DNER: variants seen among roughly 807,000 people sequenced by gnomAD.
DNER encodes delta/notch like EGF repeat containing.
In DNER, 33 loss-of-function variants were observed where a neutral mutation model predicts 78.2. The observed-to-expected ratio is 0.42, with a 90% CI of 0.32 to 0.56. The LOEUF (loss-of-function observed/expected upper bound fraction) is 0.56. DNER is among the 20% of genes least tolerant of loss of function. The pLI is 0.11. For synonymous variants in DNER, 417 were observed against 384.8 expected (o/e 1.08, Z -0.98); for missense variants, 918 against 975.3 (o/e 0.94, Z 0.78).
At chr2:229,681,558 C>A (rs571304388) in intron 1 of DNER, among the ~76,000 whole-genome samples, 1 of 152,042 alleles carries the variant, frequency 6.6e-6, no homozygotes, top group African/African-American at 2.4e-5. Context: ...CCCTTGTCAC[C>A]CACACCACCA....
intron 1 of DNER, among the ~76,000 whole-genome samples, chr2:229,700,580 A>G (rs758905689): frequency 1.3e-5 from 2 of 152,112 alleles, no homozygotes; most frequent in Non-Finnish European, 2.9e-5. Context: ...ACACAATGGC[A>G]TACTAGTCAA....
intron 10 of DNER, among the ~76,000 whole-genome samples, chr2:229,392,187 A>G (rs1693030298): frequency 6.6e-6 from 1 of 151,474 alleles, no homozygotes. Context: ...TTTAAAAATT[A>G]TTTCTAACTT....
intron 5 of DNER, among the ~76,000 whole-genome samples, chr2:229,534,432 C>T (rs1696367881): frequency 6.6e-6 from 1 of 152,222 alleles, no homozygotes; most frequent in Non-Finnish European, 1.5e-5. Context: ...TGTAATGAAA[C>T]AGACTGAAAG....
intron 5 of DNER, 88 bp downstream of exon 5, chr2:229,546,859 G>C: frequency 6.5e-7 from 1 of 1,538,808 alleles, no homozygotes; most frequent in Non-Finnish European, 8.8e-7. Flanking sequence ...AGGATGAAAG[G>C]GGTAAGAACA....
intron 1 of DNER, among the ~76,000 whole-genome samples, chr2:229,646,621 G>A (rs1268769606): frequency 6.6e-6 from 1 of 152,140 alleles, no homozygotes; most frequent in Non-Finnish European, 1.5e-5. Context: ...CTCTCCACAG[G>A]AATAAAAATC....
intron 1 of DNER, among the ~76,000 whole-genome samples, chr2:229,616,065 A>AT (rs528220449): frequency 7.9e-4 from 121 of 152,380 alleles, no homozygotes; most frequent in Middle Eastern, 3.4e-3. Context: ...ATACAAGTAT[A>AT]TTTTTATTAA....
chr2:229,705,324 G>A (rs754887778), intron 1 of DNER, among the ~76,000 whole-genome samples: 5 of 152,152 alleles, frequency 3.3e-5, no homozygotes, highest in African/African-American at 4.8e-5. Context: ...TTGCTTTCAG[G>A]AACTGTGAGC....
At chr2:229,691,282 T>A (rs749241294) in intron 1 of DNER, among the ~76,000 whole-genome samples, 6 of 152,168 alleles carry the variant, frequency 3.9e-5, no homozygotes, top group Admixed American at 1.3e-4. Context: ...AGTTTGATGA[T>A]CTTTGTATTT....
chr2:229,540,667 C>T (rs536268207), intron 5 of DNER, among the ~76,000 whole-genome samples: 8 of 152,250 alleles, frequency 5.3e-5, no homozygotes, highest in Non-Finnish European at 1.0e-4. Flanking sequence ...GTAGGACTTC[C>T]CAGAGCTTGA....
rs149123458 is a variant in DNER at position 229,588,437 on chromosome 2, C to T, written c.637G>A (p.Gly213Ser). 9 of 1,611,970 alleles carry T rather than the reference C, an allele frequency of 5.6e-6. No individual in the cohort carries two copies. In the African/African-American group the frequency reaches 1.1e-4, roughly 19 times the overall value. The change falls in exon 3 of 13, where the codon GGC becomes AGC. Residue 213 changes from glycine (G) to serine (S), a missense_variant. Gly to Ser is a moderately conservative substitution (Grantham distance 56, BLOSUM62 0). Coordinates refer to ENST00000341772, the MANE Select transcript of DNER (RefSeq NM_139072.4). Reference sequence around the variant, plus strand: ...GGCACTTCAAAGGATACCAGGCGGCCACCCGCAGAGCTGTTAGAACTGGCA... The same window carrying T: ...GGCACTTCAAAGGATACCAGGCGGCTACCCGCAGAGCTGTTAGAACTGGCA... ...GNASSNSSAGGRLVSFEVPQN... is the reference protein window; with the variant it reads ...GNASSNSSAGSRLVSFEVPQN...
In DNER at chr2:229,529,262, G is replaced by C. The variant is rs117593309; in HGVS notation, c.994-16326C>G. ...TCCTAACAATAGAGGAGCGAGCTTC[G>C]GCTGAAAAATCAATGAAAATAATTC... On this transcript the variant is annotated intron_variant, in intron 5 of 12. Transcript: ENST00000341772. Among the ~76,000 whole-genome samples, 36 of 151,882 alleles carry C rather than the reference G, an allele frequency of 2.4e-4. No individual in the cohort carries two copies. In the East Asian group the frequency reaches 6.4e-3, roughly 27 times the overall value.
At chr2:229,520,584 T>C (rs934129840) in intron 5 of DNER, among the ~76,000 whole-genome samples, 2 of 152,256 alleles carry the variant, frequency 1.3e-5, no homozygotes, top group East Asian at 1.9e-4. Context: ...TCTATGTTTA[T>C]ATATGTTTGA....
chr2:229,372,928 G>A (rs757852006), intron 11 of DNER, among the ~76,000 whole-genome samples: 2 of 152,108 alleles, frequency 1.3e-5, no homozygotes, highest in South Asian at 4.1e-4. Context: ...GGCTTTTATC[G>A]TTGGATGGAT....
chr2:229,451,754 T>A (rs1035169572), intron 7 of DNER, among the ~76,000 whole-genome samples: 2 of 152,180 alleles, frequency 1.3e-5, no homozygotes, highest in Non-Finnish European at 2.9e-5. Flanking sequence ...CCAATTAAGA[T>A]GTTATGATGT....
chr2:229,454,838 T>C (rs1296125015), intron 7 of DNER, among the ~76,000 whole-genome samples: 1 of 152,194 alleles, frequency 6.6e-6, no homozygotes, highest in African/African-American at 2.4e-5. Context: ...CAGTATATAC[T>C]GAGGAGAGAA....
chr2:229,542,842 C>G (rs1282379622), intron 5 of DNER, among the ~76,000 whole-genome samples: 1 of 151,744 alleles, frequency 6.6e-6, no homozygotes, highest in Non-Finnish European at 1.5e-5. Flanking sequence ...CAAGTCCCCC[C>G]AGACATTTCT....
chr2:229,681,251 A>C (rs370844589), intron 1 of DNER, among the ~76,000 whole-genome samples: 1 of 152,180 alleles, frequency 6.6e-6, no homozygotes, highest in Non-Finnish European at 1.5e-5. Flanking sequence ...ATATAAGAAG[A>C]AGCTGAGCTA....
chr2:229,395,174 T>G (rs1426056329), intron 10 of DNER, among the ~76,000 whole-genome samples: 1 of 152,208 alleles, frequency 6.6e-6, no homozygotes, highest in Non-Finnish European at 1.5e-5. Flanking sequence ...ATGAGAGGAC[T>G]TGCCTTTGCT....
At chr2:229,398,841 T>C (rs1055896307) in intron 10 of DNER, among the ~76,000 whole-genome samples, 1 of 152,020 alleles carries the variant, frequency 6.6e-6, no homozygotes, top group African/African-American at 2.4e-5. Context: ...AAAAATCACA[T>C]GATCATATCA....
Sources: gnomAD v4.1 joint callset for allele counts (sites outside exome capture counted in the v4.1 genomes callset) on GRCh38, gnomAD v4.1.1 for gene constraint, MANE v1.5 for transcripts, NCBI Gene and HGNC (gene_info 2026-07-23, HGNC 2026-07-21) for gene names.